Variants in EFR3A observed in about 807,000 individuals in gnomAD.
EFR3A encodes protein EFR3 homolog A.
A neutral mutation model predicts 104.4 loss-of-function variants in EFR3A; 76 were observed. The ratio of observed to expected loss-of-function variants is 0.73; its 90% CI spans 0.60 to 0.88. EFR3A has a LOEUF of 0.88. EFR3A is among the 40% of genes least tolerant of loss of function. The pLI is 0.00. For synonymous variants in EFR3A, 330 were observed against 330.0 expected, an observed-to-expected ratio of 1.00 and a Z score of 0.00; for missense variants, 985 against 1,012.5, an observed-to-expected ratio of 0.97 and a Z score of 0.37.
At chr8:131,991,142 G>A (rs1821162486) in intron 18 of EFR3A, among the ~76,000 whole-genome samples, 1 of 152,144 alleles carries the variant, frequency 6.6e-6, no homozygotes, top group Non-Finnish European at 1.5e-5. Flanking sequence ...TTACATGGCA[G>A]TGGCAAGAAA....
At chr8:131,989,932 G>T (rs1821080721) in intron 18 of EFR3A, among the ~76,000 whole-genome samples, 1 of 152,206 alleles carries the variant, frequency 6.6e-6, no homozygotes, top group Non-Finnish European at 1.5e-5. Flanking sequence ...TATCAACCTA[G>T]AATTCGAATG....
intron 18 of EFR3A, among the ~76,000 whole-genome samples, chr8:131,992,144 C>T (rs1433062170): frequency 1.3e-5 from 2 of 152,044 alleles, no homozygotes; most frequent in African/African-American, 2.4e-5. Context: ...TTTTCACTTC[C>T]GGTGAGACCT....
At chr8:131,995,560 A>G (rs1431739352) in intron 18 of EFR3A, among the ~76,000 whole-genome samples, 1 of 152,194 alleles carries the variant, frequency 6.6e-6, no homozygotes, top group Non-Finnish European at 1.5e-5. Context: ...TGATCAACAA[A>G]TTCAAATGTT....
At chr8:131,937,768 C>T (rs1356403193) in intron 1 of EFR3A, among the ~76,000 whole-genome samples, 2 of 146,948 alleles carry the variant, frequency 1.4e-5, no homozygotes, top group Non-Finnish European at 3.0e-5. Flanking sequence ...CTGTGATATG[C>T]TCATCCCCCT....
chr8:131,934,987 C>T (rs1185485412), intron 1 of EFR3A, among the ~76,000 whole-genome samples: 2 of 152,112 alleles, frequency 1.3e-5, no homozygotes, highest in African/African-American at 4.8e-5. Context: ...ATATGTGAGG[C>T]AGACTCTTTT....
intron 10 of EFR3A, among the ~76,000 whole-genome samples, chr8:131,975,161 T>C (rs1234820047): frequency 6.6e-6 from 1 of 152,218 alleles, no homozygotes; most frequent in East Asian, 1.9e-4. Flanking sequence ...GTAAGTTATT[T>C]ACTTATTTTT....
chr8:131,933,694 A>G (rs982649113), intron 1 of EFR3A, among the ~76,000 whole-genome samples: 3 of 152,092 alleles, frequency 2.0e-5, no homozygotes, highest in Non-Finnish European at 2.9e-5. Flanking sequence ...ATGATTACTA[A>G]TAAGTAGGAT....
chr8:131,988,693 T>C (rs1199449365), intron 18 of EFR3A, among the ~76,000 whole-genome samples: 1 of 152,084 alleles, frequency 6.6e-6, no homozygotes, highest in Admixed American at 6.6e-5. Flanking sequence ...AATTTAGCTC[T>C]CTTTCCTTCA....
chr8:131,959,167 T>G (rs1015676470), intron 7 of EFR3A, among the ~76,000 whole-genome samples: 5 of 152,190 alleles, frequency 3.3e-5, no homozygotes, highest in African/African-American at 1.2e-4. Flanking sequence ...AATTTAATTT[T>G]GATACAGTAG....
intron 1 of EFR3A, among the ~76,000 whole-genome samples, chr8:131,933,892 T>C (rs181771745): frequency 3.3e-5 from 5 of 152,130 alleles, no homozygotes; most frequent in African/African-American, 1.2e-4. Context: ...GAGCAAAGTA[T>C]TGCAATGTAA....
At chr8:131,919,466 G>A (rs970476062) in intron 1 of EFR3A, among the ~76,000 whole-genome samples, 4 of 151,830 alleles carry the variant, frequency 2.6e-5, no homozygotes, top group African/African-American at 9.7e-5. Context: ...GTATGGTGGC[G>A]GGCGCCCACT....
At chr8:131,946,990 T>C (rs1818472900) in intron 4 of EFR3A, among the ~76,000 whole-genome samples, 1 of 152,108 alleles carries the variant, frequency 6.6e-6, no homozygotes, top group Non-Finnish European at 1.5e-5. Flanking sequence ...GTATGAATAA[T>C]GCTGCTATGA....
chr8:131,952,474 C>G (rs1365772395), intron 5 of EFR3A, among the ~76,000 whole-genome samples: 4 of 152,138 alleles, frequency 2.6e-5, no homozygotes, highest in East Asian at 1.9e-4. Context: ...GCACCGCTAT[C>G]TGCTGCTGCA....
At chr8:131,961,238 A>C (rs1008189559) in intron 8 of EFR3A, among the ~76,000 whole-genome samples, 7 of 152,330 alleles carry the variant, frequency 4.6e-5, no homozygotes, top group Non-Finnish European at 1.0e-4. Flanking sequence ...TGAGAGAAGA[A>C]GGCTTCAGAC....
intron 2 of EFR3A, among the ~76,000 whole-genome samples, chr8:131,943,622 T>C (rs911964387): frequency 3.9e-5 from 6 of 152,022 alleles, no homozygotes; most frequent in Non-Finnish European, 8.8e-5. Flanking sequence ...TTGGTCCAGA[T>C]AATTACTTAC....
chr8:131,904,122 C>T lies in EFR3A; in HGVS notation c.-191C>T, dbSNP rs996052090. ...GTCGCGCCGCCCGGCGAGGAGTGGG[C>T]TGGCGGCGGTAGCTGTCGCCCGCTT... On this transcript the variant is annotated 5_prime_UTR_variant, in exon 1 of 23. Coordinates refer to ENST00000254624, the MANE Select transcript of EFR3A (RefSeq NM_015137.6). 30 of 566,052 alleles carry T rather than the reference C, an allele frequency of 5.3e-5. No individual in the cohort carries two copies. The highest frequency in any genetic ancestry group is 5.2e-5 in the Non-Finnish European group (20 of 385,342). 35.1% of individuals were successfully genotyped at this position (566,052 alleles called of 1,614,324 possible).
At chr8:131,946,657 A>G in intron 4 of EFR3A, 24 bp downstream of exon 4, 1 of 1,527,382 alleles carries the variant, frequency 6.5e-7, no homozygotes, top group Non-Finnish European at 8.8e-7. Context: ...TTCTGTTACT[A>G]AATGTATGCT....
chr8:131,914,978 C>T (rs1157920806), intron 1 of EFR3A, among the ~76,000 whole-genome samples: 1 of 152,170 alleles, frequency 6.6e-6, no homozygotes, highest in Non-Finnish European at 1.5e-5. Flanking sequence ...CCACAAAAGA[C>T]ATGATCTCCT....
chr8:131,975,412 A>AT (rs5895119), intron 10 of EFR3A, among the ~76,000 whole-genome samples: 55,331 of 110,572 alleles, frequency 0.5, 15,175 homozygotes, highest in Middle Eastern at 0.57. Flanking sequence ...TTTTTTTCCT[A>AT]TTTTTTTTTT....
Sources: gnomAD v4.1 joint callset for allele counts (sites outside exome capture counted in the v4.1 genomes callset) on GRCh38, gnomAD v4.1.1 for gene constraint, MANE v1.5 for transcripts, NCBI Gene and HGNC (gene_info 2026-07-23, HGNC 2026-07-21) for gene names.